XIRP2: variants seen among roughly 807,000 people sequenced by gnomAD.
XIRP2 encodes xin actin-binding repeat-containing protein 2.
XIRP2 carries 236 observed loss-of-function variants against 277.0 expected under a neutral mutation model. The ratio of observed to expected loss-of-function variants is 0.85; its 90% CI spans 0.77 to 0.95. XIRP2 has a LOEUF of 0.95. XIRP2 is among the 40% of genes least tolerant of loss of function. The pLI, the probability that XIRP2 is intolerant of heterozygous loss-of-function variation, is 0.00. For synonymous variants in XIRP2, 1,490 were observed against 1,416.5 expected (o/e 1.05, Z -1.17); for missense variants, 4,640 against 4,157.5 (o/e 1.12, Z -3.19).
At chr2:167,201,238 GAAAGAAAGAAAGAAAGAA>G in intron 3 of XIRP2, among the ~76,000 whole-genome samples, 1 of 99,144 alleles carries the variant, frequency 1.0e-5, no homozygotes, top group Non-Finnish European at 1.8e-5. Flanking sequence ...AAGAAAGAAA[GAAAGAAAGAAAGAAAGAA>G]AGAAAGAGAG....
intron 2 of XIRP2, among the ~76,000 whole-genome samples, chr2:166,911,323 G>A (rs1056158054): frequency 5.3e-5 from 8 of 152,132 alleles, no homozygotes; most frequent in Admixed American, 1.3e-4. Flanking sequence ...TATATTTAGA[G>A]TAGTTAGCTC....
At chr2:167,011,285 T>C (rs1481214118) in intron 2 of XIRP2, among the ~76,000 whole-genome samples, 2 of 151,414 alleles carry the variant, frequency 1.3e-5, no homozygotes, top group Admixed American at 6.6e-5. Context: ...GCATGAAGGG[T>C]TGTTGAATTT....
At chr2:167,182,107 G>A (rs1370431527) in intron 3 of XIRP2, among the ~76,000 whole-genome samples, 1 of 152,002 alleles carries the variant, frequency 6.6e-6, no homozygotes, top group African/African-American at 2.4e-5. Context: ...ATTAAACTTG[G>A]ACAAGTGTAA....
chr2:166,908,677 T>C (rs1684602674), intron 2 of XIRP2, among the ~76,000 whole-genome samples: 2 of 152,230 alleles, frequency 1.3e-5, no homozygotes. Flanking sequence ...GTTTTAGACA[T>C]GAAGTCCTTG....
At chr2:167,172,963 G>T (rs1439140520) in intron 3 of XIRP2, among the ~76,000 whole-genome samples, 1 of 152,174 alleles carries the variant, frequency 6.6e-6, no homozygotes, top group Non-Finnish European at 1.5e-5. Context: ...GTAAAGACAG[G>T]CGTAAGAAAT....
intron 3 of XIRP2, chr2:167,187,586 C>T (rs1693195154): frequency 1.0e-6 from 1 of 973,680 alleles, no homozygotes. Context: ...GTAAAATGTT[C>T]TCACTGGTTA....
At chr2:167,177,078 T>C (rs558895970) in intron 3 of XIRP2, among the ~76,000 whole-genome samples, 2 of 152,296 alleles carry the variant, frequency 1.3e-5, no homozygotes, top group East Asian at 3.9e-4. Flanking sequence ...GTAGATCTTC[T>C]TTGTGCCTTG....
intron 3 of XIRP2, among the ~76,000 whole-genome samples, chr2:167,141,514 T>A (rs532337391): frequency 1.3e-3 from 204 of 152,290 alleles, no homozygotes; most frequent in Non-Finnish European, 2.2e-3. Flanking sequence ...ATAGTGGGAA[T>A]GGTGCATGAT....
intron 2 of XIRP2, among the ~76,000 whole-genome samples, chr2:167,089,239 A>T (rs1438728059): frequency 6.6e-6 from 1 of 152,164 alleles, no homozygotes; most frequent in East Asian, 1.9e-4. Context: ...TCACTTTTCC[A>T]ATAGCAAAGA....
rs561538841 is a variant in XIRP2 at position 166,909,064 on chromosome 2, T to C, written c.408+5174T>C. On this transcript the variant is annotated intron_variant, in intron 2 of 10. Transcript: ENST00000409195. ...GTCAGGTAGCGTGATGCCTCCAGCT[T>C]TGTTCTTTTGGCTTAGGATTGTCTT... Among the ~76,000 whole-genome samples, 9 of 152,306 alleles carry C rather than the reference T, an allele frequency of 5.9e-5. No individual in the cohort carries two copies. The East Asian group carries it at 1.7e-3, about 29-fold the overall frequency.
At chr2:167,120,033 A>G (rs1446026454) in intron 2 of XIRP2, among the ~76,000 whole-genome samples, 1 of 152,164 alleles carries the variant, frequency 6.6e-6, no homozygotes, top group African/African-American at 2.4e-5. Flanking sequence ...AAGAGAAATC[A>G]TAGAGCGCTA....
chr2:167,008,749 G>A (rs1033469134), intron 2 of XIRP2, among the ~76,000 whole-genome samples: 2 of 151,406 alleles, frequency 1.3e-5, no homozygotes, highest in African/African-American at 4.8e-5. Flanking sequence ...ATGGACCTTT[G>A]TGCATCCCAA....
intron 2 of XIRP2, among the ~76,000 whole-genome samples, chr2:166,927,186 G>T (rs985508042): frequency 6.6e-6 from 1 of 152,038 alleles, no homozygotes; most frequent in Non-Finnish European, 1.5e-5. Flanking sequence ...AATAGACAAA[G>T]TCAAAATACC....
rs760036050 is a variant in XIRP2 at position 167,250,725 on chromosome 2, T to C, written c.9333T>C (p.Pro3111=). 3 of 1,613,272 alleles carry C rather than the reference T, an allele frequency of 1.9e-6. No homozygotes were observed. The highest frequency in any genetic ancestry group is 2.5e-6 in the Non-Finnish European group (3 of 1,179,650). Residue 3111 remains proline, a synonymous_variant, in exon 9 of 11, where the codon CCT becomes CCC. Transcript: ENST00000409195. Reference sequence around the variant, plus strand: ...AACTTGATGATAGCAACATTCCTCCTCCCTCTTTAAAAACACGCCCACCGT... The same window carrying C: ...AACTTGATGATAGCAACATTCCTCCCCCCTCTTTAAAAACACGCCCACCGT... The part of the protein sequence containing the change: ...EIKLDDSNIP[P]PSLKTRPPSP...
At chr2:167,237,904 T>A (rs560913190) in intron 5 of XIRP2, among the ~76,000 whole-genome samples, 25 of 152,156 alleles carry the variant, frequency 1.6e-4, no homozygotes, top group African/African-American at 5.3e-4. Context: ...TGCCCATGCA[T>A]TTTTTTTATA....
intron 2 of XIRP2, among the ~76,000 whole-genome samples, chr2:166,917,649 C>T (rs1239338736): frequency 6.6e-6 from 1 of 151,728 alleles, no homozygotes; most frequent in Non-Finnish European, 1.5e-5. Flanking sequence ...AGTAACCATA[C>T]AAGGATGTTA....
intron 2 of XIRP2, among the ~76,000 whole-genome samples, chr2:166,973,759 G>A (rs759337713): frequency 6.6e-6 from 1 of 152,058 alleles, no homozygotes; most frequent in Non-Finnish European, 1.5e-5. Flanking sequence ...CATTTATGTC[G>A]TTAAAGAAGA....
chr2:167,191,185 CAA>C (rs931552422), intron 3 of XIRP2, among the ~76,000 whole-genome samples: 22 of 46,838 alleles, frequency 4.7e-4, no homozygotes, highest in Non-Finnish European at 7.1e-4. Flanking sequence ...GACCCTGTCT[CAA>C]AAAAAAAAAA....
At chr2:166,973,530 G>T (rs1017963068) in intron 2 of XIRP2, among the ~76,000 whole-genome samples, 3 of 152,086 alleles carry the variant, frequency 2.0e-5, no homozygotes, top group African/African-American at 7.2e-5. Flanking sequence ...ACAGACCAGG[G>T]TATCAAACTC....
Sources: allele counts gnomAD v4.1 joint callset (sites outside exome capture counted in the v4.1 genomes callset), GRCh38; gene constraint gnomAD v4.1.1; transcripts MANE v1.5; gene names NCBI Gene and HGNC (gene_info 2026-07-23, HGNC 2026-07-21).